MECOM: variants seen among roughly 807,000 people sequenced by gnomAD.
The protein encoded by MECOM is histone-lysine N-methyltransferase MECOM.
MECOM carries 13 observed loss-of-function variants against 116.3 expected under a neutral mutation model. The ratio of observed to expected loss-of-function variants is 0.11; its 90% CI spans 0.07 to 0.18. The LOEUF (loss-of-function observed/expected upper bound fraction) is 0.18. Ranked by LOEUF, MECOM falls within the 10% of genes least tolerant of loss-of-function variation. The probability of loss-of-function intolerance (pLI) is 1.00; values close to 1 mark genes in which losing one functional copy is unlikely to be tolerated. For missense variants in MECOM, 1,299 were observed against 1,509.0 expected, an observed-to-expected ratio of 0.86 and a Z score of 2.31; for synonymous variants, 528 against 535.2, an observed-to-expected ratio of 0.99 and a Z score of 0.19.
intron 2 of MECOM, among the ~76,000 whole-genome samples, chr3:169,246,097 A>T (rs780516935): frequency 1.3e-5 from 2 of 152,252 alleles, no homozygotes; most frequent in Non-Finnish European, 2.9e-5. Context: ...GGTAATCCAT[A>T]TCATAGGGGA....
rs1728822992 is a variant in MECOM at position 169,115,383 on chromosome 3, C to A, written c.2489G>T (p.Arg830Ile). ...PTPFFMDPIY[R>I]VEKRKLTDPL... ...TTCGTCATCTTCCATACACGCTTAC[C>A]TGTAAATAGGGTCCATAAAGAAAGG... Residue 830 changes from arginine to isoleucine, a missense_variant and splice_region_variant, in exon 8 of 17, where the codon AGA (arginine) becomes ATA (isoleucine). Coordinates refer to ENST00000651503, the MANE Select transcript of MECOM (RefSeq NM_004991.4). The A allele has an allele frequency of 6.2e-7, 1 of 1,613,032 alleles. No homozygotes were observed.
At chr3:169,435,762 C>T (rs1188151546) in intron 1 of MECOM, among the ~76,000 whole-genome samples, 3 of 152,180 alleles carry the variant, frequency 2.0e-5, no homozygotes, top group African/African-American at 7.2e-5. Context: ...TTCTGCTAAA[C>T]TGCATTTCTT....
chr3:169,625,138 T>C (rs953530648), intron 1 of MECOM, among the ~76,000 whole-genome samples: 5 of 152,004 alleles, frequency 3.3e-5, no homozygotes, highest in African/African-American at 1.2e-4. Flanking sequence ...AACCCTCCCA[T>C]AGTGGCCCAA....
intron 1 of MECOM, chr3:169,483,908 G>A (rs1578230424): frequency 1.1e-5 from 17 of 1,609,046 alleles, no homozygotes; most frequent in African/African-American, 4.0e-5. Flanking sequence ...CAGCTTTTCC[G>A]TTCACTTTGA....
At chr3:169,508,878 T>C (rs1755617597) in intron 1 of MECOM, among the ~76,000 whole-genome samples, 1 of 152,170 alleles carries the variant, frequency 6.6e-6, no homozygotes, top group African/African-American at 2.4e-5. Flanking sequence ...AATGCCTTAG[T>C]TAAACATATT....
chr3:169,417,056 T>C (rs1209982126), intron 1 of MECOM, among the ~76,000 whole-genome samples: 1 of 151,784 alleles, frequency 6.6e-6, no homozygotes, highest in African/African-American at 2.4e-5. Flanking sequence ...GGCAAGGACT[T>C]CATGTCTAAA....
chr3:169,398,269 C>T (rs1189871716), intron 1 of MECOM, among the ~76,000 whole-genome samples: 2 of 152,116 alleles, frequency 1.3e-5, no homozygotes, highest in Admixed American at 6.6e-5. Context: ...AACATTAGTG[C>T]TCTCTCTATG....
chr3:169,469,265 G>C (rs1450152917), intron 1 of MECOM, among the ~76,000 whole-genome samples: 2 of 152,134 alleles, frequency 1.3e-5, no homozygotes, highest in African/African-American at 2.4e-5. Context: ...AGCAGTATAA[G>C]AAAGATACAA....
chr3:169,583,151 T>C (rs1454521979), intron 1 of MECOM, among the ~76,000 whole-genome samples: 3 of 152,192 alleles, frequency 2.0e-5, no homozygotes, highest in Non-Finnish European at 4.4e-5. Context: ...TAAAAGATTG[T>C]TTTACAAAGT....
chr3:169,379,412 T>C (rs974461507), intron 2 of MECOM, among the ~76,000 whole-genome samples: 5 of 152,070 alleles, frequency 3.3e-5, no homozygotes, highest in African/African-American at 4.8e-5. Flanking sequence ...CAGGAACTAT[T>C]TTATAAAGGT....
chr3:169,481,690 T>C (rs1751310979), intron 1 of MECOM, among the ~76,000 whole-genome samples: 1 of 149,850 alleles, frequency 6.7e-6, no homozygotes, highest in Non-Finnish European at 1.5e-5. Flanking sequence ...GTGTGTGTCC[T>C]CAACACACTT....
At chr3:169,625,023 AT>A (rs1330691394) in intron 1 of MECOM, among the ~76,000 whole-genome samples, 1 of 134,254 alleles carries the variant, frequency 7.4e-6, no homozygotes, top group Non-Finnish European at 1.6e-5. Flanking sequence ...GGACAAGGAG[AT>A]TTGTCCTTGG....
chr3:169,160,069 T>C (rs563319944), intron 2 of MECOM, among the ~76,000 whole-genome samples: 1 of 152,334 alleles, frequency 6.6e-6, no homozygotes, highest in South Asian at 2.1e-4. Flanking sequence ...GATTTTTATA[T>C]AGCCATCTTT....
At chr3:169,419,964 T>G (rs1739421131) in intron 1 of MECOM, among the ~76,000 whole-genome samples, 1 of 152,138 alleles carries the variant, frequency 6.6e-6, no homozygotes, top group Admixed American at 6.6e-5. Context: ...GAACAGACAC[T>G]TCTCAAAAGA....
At chr3:169,118,844 T>C (rs1730045396) in intron 7 of MECOM, among the ~76,000 whole-genome samples, 1 of 152,104 alleles carries the variant, frequency 6.6e-6, no homozygotes, top group South Asian at 2.1e-4. Context: ...GAACATCGAA[T>C]CTGGGATGTT....
intron 1 of MECOM, among the ~76,000 whole-genome samples, chr3:169,593,879 G>A (rs954822536): frequency 1.3e-5 from 2 of 152,058 alleles, no homozygotes; most frequent in Non-Finnish European, 2.9e-5. Context: ...GGCACTCTGG[G>A]ACACCAAAGC....
intron 1 of MECOM, among the ~76,000 whole-genome samples, chr3:169,457,065 T>C (rs1336654363): frequency 6.6e-6 from 1 of 152,118 alleles, no homozygotes; most frequent in Non-Finnish European, 1.5e-5. Context: ...CTCATTGCCA[T>C]CCAATCCCTC....
intron 1 of MECOM, among the ~76,000 whole-genome samples, chr3:169,662,672 G>A (rs1468920626): frequency 1.3e-5 from 2 of 150,854 alleles, no homozygotes; most frequent in East Asian, 4.0e-4. Context: ...GCATGGCCGA[G>A]CGCACAGCGC....
chr3:169,661,635 G>C (rs2110140593), intron 1 of MECOM, among the ~76,000 whole-genome samples: 1 of 152,310 alleles, frequency 6.6e-6, no homozygotes, highest in South Asian at 2.1e-4. Context: ...AAAGGCGCCT[G>C]GGATGACAGC....
Sources: allele counts gnomAD v4.1 joint callset (sites outside exome capture counted in the v4.1 genomes callset), GRCh38; gene constraint gnomAD v4.1.1; transcripts MANE v1.5; gene names NCBI Gene and HGNC (gene_info 2026-07-23, HGNC 2026-07-21).